Variants in BRWD1 observed in about 807,000 individuals in gnomAD.
BRWD1 encodes the protein bromodomain and WD repeat-containing protein 1.
A neutral mutation model predicts 251.2 loss-of-function variants in BRWD1; 82 were observed. That is an observed-to-expected ratio of 0.33 (90% CI 0.27 to 0.39). The LOEUF is 0.39. Among genes scored for constraint, BRWD1 ranks in the 10% least tolerant of loss-of-function variants. The pLI, the probability that BRWD1 is intolerant of heterozygous loss-of-function variation, is 1.00. For synonymous variants in BRWD1, 918 were observed against 902.8 expected (o/e 1.02, Z -0.30); for missense variants, 2,233 against 2,711.6 (o/e 0.82, Z 3.92).
chr21:39,283,105 T>C (rs1015658847), intron 8 of BRWD1, among the ~76,000 whole-genome samples: 1 of 152,212 alleles, frequency 6.6e-6, no homozygotes, highest in African/African-American at 2.4e-5. Flanking sequence ...CATGGACTGA[T>C]ATATACTGTT....
upstream of BRWD1, among the ~76,000 whole-genome samples, chr21:39,316,146 A>G (rs2036696141): frequency 6.6e-6 from 1 of 152,322 alleles, no homozygotes; most frequent in South Asian, 2.1e-4. Flanking sequence ...GAGGCACTTA[A>G]CATACCCCTG....
At chr21:39,313,984 C>T (rs1381585844), upstream of BRWD1, 10 of 416,994 alleles carry the variant, frequency 2.4e-5, no homozygotes, top group Admixed American at 5.3e-5. Context: ...GGCGATTCAC[C>T]GCCGCCCCCC....
intron 23 of BRWD1, among the ~76,000 whole-genome samples, chr21:39,234,622 C>T (rs1360744092): frequency 1.3e-5 from 2 of 152,194 alleles, no homozygotes; most frequent in East Asian, 3.8e-4. Flanking sequence ...CCCCACTCAA[C>T]CAACCCAGAG....
intron 1 of BRWD1, among the ~76,000 whole-genome samples, chr21:39,319,539 C>A (rs1318125214): frequency 6.6e-6 from 1 of 152,110 alleles, no homozygotes; most frequent in Admixed American, 6.6e-5. Context: ...TTTTTCTGTT[C>A]GTTTTGTTTA....
At position 39,277,275 on chromosome 21, in the gene BRWD1, T is replaced by A. The variant is rs1330265413; in HGVS notation, c.1080A>T (p.Lys360Asn). The A allele has an allele frequency of 1.2e-6, 2 of 1,611,334 alleles. No homozygotes were observed. The highest frequency in any genetic ancestry group is 1.7e-6 in the Non-Finnish European group (2 of 1,178,410). The change falls in exon 11 of 41, where the codon AAA becomes AAT. Residue 360 changes from lysine to asparagine, a missense_variant. Transcript: ENST00000342449. ...MYFLGFEAPE[K>N]IAELESHTDK... ...CAGTGTGGCTTTCAAGTTCTGCGAT[T>A]TTTTCGGGTGCTTCAAAACCCAAAA...
At chr21:39,280,374 T>C (rs1234604256) in intron 8 of BRWD1, 126 bp from the exon 9 acceptor site, 1 of 684,498 alleles carries the variant, frequency 1.5e-6, no homozygotes, top group Non-Finnish European at 2.5e-6. Context: ...AAAATATAGG[T>C]AATACTACCG....
At position 39,258,513 on chromosome 21, in the gene BRWD1, G is replaced by T; in HGVS notation, c.2045C>A (p.Ser682Ter). Reference sequence around the variant, plus strand: ...TCTCCGGGGTGTTTCTTCACCATTTGAAAGTCCTCTTGGAATAGTATCCTG... The same window carrying T: ...TCTCCGGGGTGTTTCTTCACCATTTTAAAGTCCTCTTGGAATAGTATCCTG... ...ADQDTIPRGL[S>*]NGEETPRRGF... The change falls in exon 18 of 41, where the codon TCA (serine) becomes TAA (stop). Residue 682 changes from serine to a stop codon, truncating the protein, a stop_gained. Transcript: ENST00000342449. LOFTEE classifies it high-confidence loss of function. 6.2e-7 allele frequency: 1 copy of T among 1,601,572 alleles called. No individual in the cohort carries two copies. Among genetic ancestry groups the T allele is most frequent in the Non-Finnish European group, 8.5e-7 (1 of 1,174,114 alleles).
chr21:39,197,892 A>G (rs2031905016), intron 40 of BRWD1, among the ~76,000 whole-genome samples: 1 of 151,952 alleles, frequency 6.6e-6, no homozygotes, highest in African/African-American at 2.4e-5. Flanking sequence ...TGAGACCACC[A>G]CTGTTATGCA....
intron 15 of BRWD1, 134 bp from the exon 16 acceptor site, chr21:39,265,153 G>T (rs1165453755): frequency 1.0e-6 from 1 of 963,490 alleles, no homozygotes; most frequent in Admixed American, 3.2e-5. Context: ...GCCAGGCATG[G>T]TGGCTCATAC....
At chr21:39,184,601 T>C (rs1174898660), downstream of BRWD1, 3 of 152,208 alleles carry the variant, frequency 2.0e-5, no homozygotes, top group Non-Finnish European at 4.4e-5. Flanking sequence ...AGATAAAATC[T>C]CAAAGCTGTT....
rs2033030751 is a variant in BRWD1, at chr21:39,218,139, G to C, written c.3659+13C>G. 1 of 1,588,354 alleles carries C rather than the reference G, an allele frequency of 6.3e-7. No individual in the cohort carries two copies. Among genetic ancestry groups the C allele is most frequent in the Non-Finnish European group, 8.5e-7 (1 of 1,172,552 alleles). Reference sequence around the variant, plus strand: ...TAGCTTTTTAAACATTTTGAAAGCAGGTTTCTACTAACCTGTAAAATCGAT... The same window carrying C: ...TAGCTTTTTAAACATTTTGAAAGCACGTTTCTACTAACCTGTAAAATCGAT... On this transcript the variant is annotated intron_variant, in intron 31 of 40. Coordinates refer to ENST00000342449, the MANE Select transcript of BRWD1 (RefSeq NM_033656.4).
intron 17 of BRWD1, among the ~76,000 whole-genome samples, chr21:39,262,108 C>T (rs1820815690): frequency 6.6e-6 from 1 of 152,138 alleles, no homozygotes; most frequent in African/African-American, 2.4e-5. Flanking sequence ...TTATTTCATC[C>T]AGAAGACAAG....
chr21:39,304,438 G>A (rs1285482887), intron 4 of BRWD1, among the ~76,000 whole-genome samples: 1 of 86,828 alleles, frequency 1.2e-5, no homozygotes, highest in Non-Finnish European at 3.5e-5. Flanking sequence ...TAGTGAGACA[G>A]TCTCTAGAAA....
chr21:39,218,762 C>A, intron 29 of BRWD1, 102 bp from the exon 30 acceptor site: 1 of 922,424 alleles, frequency 1.1e-6, no homozygotes, highest in South Asian at 2.6e-5. Context: ...ACTAGGTTAT[C>A]TCCACAGTCA....
chr21:39,235,992 A>G, intron 23 of BRWD1: 1 of 213,126 alleles, frequency 4.7e-6, no homozygotes, highest in South Asian at 9.4e-5. Flanking sequence ...CCCCAATCCC[A>G]CGGTCTCCTC....
At chr21:39,313,846 G>T, upstream of BRWD1, 1 of 345,104 alleles carries the variant, frequency 2.9e-6, no homozygotes, top group East Asian at 9.2e-5. Flanking sequence ...AGTGGGGGAG[G>T]GGAGGGCGCG....
chr21:39,210,669 A>G (rs1407192715), intron 35 of BRWD1, 117 bp downstream of exon 35: 4 of 1,230,696 alleles, frequency 3.3e-6, no homozygotes, highest in African/African-American at 1.5e-5. Context: ...TAGTGATAGG[A>G]GCAAAAAAGT....
chr21:39,305,219 A>G (rs1432302383), intron 4 of BRWD1, among the ~76,000 whole-genome samples: 1 of 152,100 alleles, frequency 6.6e-6, no homozygotes, highest in East Asian at 1.9e-4. Context: ...TTGGCCCCCT[A>G]AAGTGTTGGG....
At position 39,196,653 on chromosome 21, in the gene BRWD1, T is replaced by A. The variant is rs1272156360; in HGVS notation, c.6416A>T (p.Lys2139Ile). ...KRSHPELENV[K>I]ISETTGNSKF... ...TGAATTCCCAGTTGTTTCAGAGATT[T>A]TCACATTTTCCAATTCAGGATGCGA... Residue 2139 changes from lysine (K) to isoleucine (I), a missense_variant, in exon 41 of 41, where the codon AAA becomes ATA. By Grantham distance (102) the Lys-to-Ile change is moderately radical (BLOSUM62 -3). Transcript: ENST00000342449. 6.2e-7 allele frequency: 1 copy of A among 1,613,822 alleles called. No individual in the cohort carries two copies.
Sources: gnomAD v4.1 joint callset for allele counts (sites outside exome capture counted in the v4.1 genomes callset) on GRCh38, gnomAD v4.1.1 for gene constraint, MANE v1.5 for transcripts, NCBI Gene and HGNC (gene_info 2026-07-23, HGNC 2026-07-21) for gene names.